Variants in MAST3 observed in about 807,000 individuals in gnomAD.
MAST3 encodes microtubule-associated serine/threonine-protein kinase 3.
In MAST3, 43 loss-of-function variants were observed where a neutral mutation model predicts 127.0. That is an observed-to-expected ratio of 0.34 (90% confidence interval 0.27 to 0.44). The LOEUF (loss-of-function observed/expected upper bound fraction) is 0.44, where lower values mean the gene tolerates loss of function less well. Ranked by LOEUF, MAST3 falls within the 20% of genes least tolerant of loss-of-function variation. The probability of loss-of-function intolerance (pLI) is 1.00; values close to 1 mark genes in which losing one functional copy is unlikely to be tolerated. For synonymous variants in MAST3, 785 were observed against 809.2 expected (o/e 0.97, Z 0.51); for missense variants, 1,390 against 1,919.1 (o/e 0.72, Z 5.15).
rs947764733 is a variant in MAST3, at chr19:18,130,071, G to A, written c.1224-423G>A. 1.5e-3 allele frequency among the ~76,000 whole-genome samples: 223 copies of A among 152,052 alleles called. 3 individuals are homozygous for A. Among genetic ancestry groups the A allele is most frequent in the Non-Finnish European group, 3.7e-4 (25 of 68,018 alleles). On this transcript the variant is annotated intron_variant, in intron 13 of 27. Coordinates refer to ENST00000687212, the MANE Select transcript of MAST3 (RefSeq NM_001393504.1). ...TTGAGACTAGCCTCCACAACATAGC[G>A]AGACCCCATCTCTACAAAAAATTTA...
intron 15 of MAST3, among the ~76,000 whole-genome samples, chr19:18,133,645 C>G (rs936934240): frequency 2.0e-5 from 3 of 147,622 alleles, no homozygotes; most frequent in Admixed American, 1.4e-4. Context: ...CCTCAGAGTC[C>G]CTGGTTCAAG....
chr19:18,143,470 G>A (rs2042727729), intron 21 of MAST3, among the ~76,000 whole-genome samples: 1 of 152,154 alleles, frequency 6.6e-6, no homozygotes, highest in Non-Finnish European at 1.5e-5. Context: ...CAGCTACTTG[G>A]GAGGCTGAGG....
At chr19:18,133,549 ATTTTTTT>A (rs3048882) in intron 15 of MAST3, among the ~76,000 whole-genome samples, 1 of 91,842 alleles carries the variant, frequency 1.1e-5, no homozygotes, top group Non-Finnish European at 2.0e-5. Flanking sequence ...CGCCCAGCTA[ATTTTTTT>A]TTTTTTTTTT....
intron 3 of MAST3, among the ~76,000 whole-genome samples, chr19:18,114,052 C>A (rs555514475): frequency 6.6e-6 from 1 of 152,142 alleles, no homozygotes; most frequent in African/African-American, 2.4e-5. Context: ...TTTCTTCTTC[C>A]GTCACATCCT....
chr19:18,118,180 C>T (rs1433133805), intron 3 of MAST3: 4 of 985,302 alleles, frequency 4.1e-6, no homozygotes, highest in Non-Finnish European at 4.8e-6. Context: ...CCGACCCCAG[C>T]TACTGGACGG....
intron 2 of MAST3, among the ~76,000 whole-genome samples, chr19:18,108,343 T>C (rs912420371): frequency 1.0e-4 from 13 of 128,280 alleles, no homozygotes; most frequent in Non-Finnish European, 1.8e-4. Flanking sequence ...AGTGTTCCTG[T>C]AGGTTGGGTT....
At chr19:18,132,109 G>A (rs892474804) in intron 15 of MAST3, 62 bp downstream of exon 15, 1 of 1,593,064 alleles carries the variant, frequency 6.3e-7, no homozygotes, top group Non-Finnish European at 8.6e-7. Flanking sequence ...ATCAGGGGCG[G>A]GGCCAAAGAG....
In MAST3 at chr19:18,151,072, C is replaced by T. The variant is rs2043493607; in HGVS notation, c.*1346C>T. The T allele has an allele frequency of 6.6e-6, 1 of 152,302 alleles. No homozygotes were observed. Among genetic ancestry groups the T allele is most frequent in the Non-Finnish European group, 1.5e-5 (1 of 68,024 alleles). 9.4% of individuals were successfully genotyped at this position (152,302 alleles called of 1,614,324 possible). ...GTCTGAAACACCTGTTAGGGGTTCC[C>T]TCCATATGTCAGAGCCTCTCTGGGA... On this transcript the variant is annotated 3_prime_UTR_variant, in exon 28 of 28. Coordinates refer to ENST00000687212, the MANE Select transcript of MAST3 (RefSeq NM_001393504.1).
Position 18,151,261 on chromosome 19 carries a change from T to A in MAST3, c.*1535T>A, listed in dbSNP as rs1443322787. 6.6e-6 allele frequency: 1 copy of A among 152,094 alleles called. No individual in the cohort carries two copies. The highest frequency in any genetic ancestry group is 1.5e-5 in the Non-Finnish European group (1 of 68,006). 9.4% of individuals were successfully genotyped at this position (152,094 alleles called of 1,614,324 possible). A position where few individuals can be genotyped will look rare whatever the true frequency, so the allele number is the denominator to read the frequency against. ...AGCACCTACTGTGTGCCAAGCGCTTTTACGTGGCTTCTCCCTCAGCCAGCC... is the reference window on the plus strand; with the variant it reads ...AGCACCTACTGTGTGCCAAGCGCTTATACGTGGCTTCTCCCTCAGCCAGCC... On this transcript the variant is annotated 3_prime_UTR_variant, in exon 28 of 28. Transcript: ENST00000687212.
In MAST3 at chr19:18,110,728, C is replaced by G; in HGVS notation, c.148C>G (p.Leu50Val). The G allele has an allele frequency of 3.0e-6, 3 of 985,896 alleles. No homozygotes were observed. Among genetic ancestry groups the G allele is most frequent in the Non-Finnish European group, 3.6e-6 (3 of 829,934 alleles). The allele number at this position is 985,896 out of a possible 1,614,324, so 61.1% of individuals were successfully genotyped here. ...CAGCCCCTGTAGCCCCTCCTTGGGCCTGCACCCCTGGAGGTAAGTGACAGC... is the reference window on the plus strand; with the variant it reads ...CAGCCCCTGTAGCCCCTCCTTGGGCGTGCACCCCTGGAGGTAAGTGACAGC... ...PCSPCSPSLG[L>V]HPWSCRSGNR... Residue 50 changes from leucine (L) to valine (V), a missense_variant, in exon 3 of 28, where the codon CTG (leucine) becomes GTG (valine). Transcript: ENST00000687212. The surrounding 1 kb of genome is among the most constrained non-coding windows in gnomAD (Gnocchi z 4.3).
rs752040125 is a variant in MAST3 at position 18,149,673 on chromosome 19, G to A, written c.3991G>A (p.Val1331Met). The A allele has an allele frequency of 5.0e-6, 8 of 1,613,014 alleles. No homozygotes were observed. Among genetic ancestry groups the A allele is most frequent in the Non-Finnish European group, 5.1e-6 (6 of 1,179,880 alleles). The part of the protein sequence containing the change: ...GLPTSVPQIA[V>M]EGEEAVPVAL... The stretch of plus-strand genomic sequence containing the variant: ...GCCCACCTCAGTGCCACAGATCGCC[G>A]TGGAGGGCGAGGAAGCCGTGCCAGT... Residue 1331 changes from valine to methionine, a missense_variant, in exon 28 of 28, where the codon GTG becomes ATG. This residue lies in a region of MAST3 where 816 missense variants were observed against 934.1 expected (regional missense o/e 0.87). Coordinates refer to ENST00000687212, the MANE Select transcript of MAST3 (RefSeq NM_001393504.1). The surrounding 1 kb of genome is among the most constrained non-coding windows in gnomAD (Gnocchi z 5.9).
At chr19:18,147,099 C>CTTTTTTTTTT (rs147946466) in intron 26 of MAST3, 55 bp downstream of exon 26, 8 of 894,056 alleles carry the variant, frequency 8.9e-6, no homozygotes, top group Non-Finnish European at 8.6e-6. Flanking sequence ...TTTCTTTTTC[C>CTTTTTTTTTT]TTTTTTTTTT....
At chr19:18,109,315 G>C (rs2038315864) in intron 2 of MAST3, among the ~76,000 whole-genome samples, 1 of 152,124 alleles carries the variant, frequency 6.6e-6, no homozygotes. Flanking sequence ...CAGTTGGTGG[G>C]GAGGTGCTTG....
At chr19:18,121,991 C>T (rs578001881) in intron 5 of MAST3, 69 bp downstream of exon 5, 25 of 1,580,510 alleles carry the variant, frequency 1.6e-5, no homozygotes, top group East Asian at 6.8e-5. Flanking sequence ...GGCACGTGCT[C>T]GGTGGCTAGA....
At chr19:18,130,069 G>C (rs2041103483) in intron 13 of MAST3, among the ~76,000 whole-genome samples, 1 of 152,056 alleles carries the variant, frequency 6.6e-6, no homozygotes, top group Admixed American at 6.6e-5. Context: ...CCACAACATA[G>C]CGAGACCCCA....
Position 18,151,508 on chromosome 19 carries a change from G to A in MAST3, c.*1782G>A, listed in dbSNP as rs2043524473. Reference sequence around the variant, plus strand: ...GCCCCAGCTCATCCCCCATGATGCTGTGTGACCCACTGGGCACTCTGGTGA... The same window carrying A: ...GCCCCAGCTCATCCCCCATGATGCTATGTGACCCACTGGGCACTCTGGTGA... On this transcript the variant is annotated 3_prime_UTR_variant, in exon 28 of 28. Transcript: ENST00000687212. The A allele has an allele frequency of 6.6e-6, 1 of 152,248 alleles. No homozygotes were observed. The highest frequency in any genetic ancestry group is 2.4e-5 in the African/African-American group (1 of 41,430). 9.4% of individuals were successfully genotyped at this position (152,248 alleles called of 1,614,324 possible).
chr19:18,102,148 GAGATTAC>G (rs1344195705), intron 1 of MAST3, among the ~76,000 whole-genome samples: 2 of 151,862 alleles, frequency 1.3e-5, no homozygotes, highest in African/African-American at 4.8e-5. Context: ...TCAAAGTGCT[GAGATTAC>G]AGGTGTTAGC....
chr19:18,104,361 G>A (rs753680845), intron 1 of MAST3, among the ~76,000 whole-genome samples: 26 of 151,952 alleles, frequency 1.7e-4, no homozygotes, highest in Non-Finnish European at 3.1e-4. Context: ...AGAGACCTTC[G>A]AGGGGTAGAT....
rs368041200 is a variant in MAST3, at chr19:18,149,633, G to A, written c.3951G>A (p.Glu1317=). ...AGGTTAGCTTCGATGAGCCGCAGGA[G>A]GAGGCCACTGGGCTGCCCACCTCAG... is the stretch of plus-strand genomic sequence containing the variant. ...VQEVSFDEPQ[E]EATGLPTSVP... is the part of the protein sequence containing the mutation. The change falls in exon 28 of 28, where the codon GAG becomes GAA. Residue 1317 remains glutamate, a synonymous_variant. Transcript: ENST00000687212. This position sits in a 1 kb window ranked among gnomAD's most constrained non-coding sequence, Gnocchi z 5.9. 1.2e-6 allele frequency: 2 copies of A among 1,613,282 alleles called. No individual in the cohort carries two copies. The highest frequency in any genetic ancestry group is 4.5e-5 in the East Asian group (2 of 44,888).
Sources: allele counts gnomAD v4.1 joint callset (sites outside exome capture counted in the v4.1 genomes callset), GRCh38; gene constraint gnomAD v4.1.1; regional missense constraint gnomAD v4.1.1; non-coding constraint Gnocchi (gnomAD v3.1); transcripts MANE v1.5; gene names NCBI Gene and HGNC (gene_info 2026-07-23, HGNC 2026-07-21).